ADGRG4: variants seen among roughly 807,000 people sequenced by gnomAD.
ADGRG4 encodes adhesion G protein-coupled receptor G4.
A neutral mutation model predicts 126.2 loss-of-function variants in ADGRG4; 122 were observed. The ratio of observed to expected loss-of-function variants is 0.97; its 90% CI spans 0.83 to 1.12. The LOEUF (loss-of-function observed/expected upper bound fraction) is 1.12, where lower values mean the gene tolerates loss of function less well. ADGRG4 is among the 50% of genes most tolerant of loss of function. The pLI is 0.00. For missense variants in ADGRG4, 2,481 were observed against 2,251.8 expected, an observed-to-expected ratio of 1.10 and a Z score of -2.06; for synonymous variants, 943 against 838.7, an observed-to-expected ratio of 1.12 and a Z score of -2.15.
intron 8 of ADGRG4, among the ~76,000 whole-genome samples, chrX:136,354,835 C>A (rs1423711477): frequency 9.0e-6 from 1 of 111,463 alleles, no homozygotes; most frequent in Non-Finnish European, 1.9e-5. Context: ...ATGTGTAAGG[C>A]GAGGTAAGGG....
rs779521019 is a variant in ADGRG4, at chrX:136,405,852, C to G, written c.8815C>G (p.Leu2939Val). ...TCGGCGGAAGATGATCCTGCATGAC[C>G]TCAAAGGCACAATGAGCCTGACATT... is the stretch of plus-strand genomic sequence containing the variant. ...KTRRKMILHDLKGTMSLTFLL... is the reference protein window; with the variant it reads ...KTRRKMILHDVKGTMSLTFLL... Residue 2939 changes from leucine (L) to valine (V), a missense_variant, in exon 23 of 26, where the codon CTC becomes GTC. Physicochemically the swap from Leu to Val is conservative, Grantham distance 32. Transcript: ENST00000394143. 2 of 1,208,460 alleles carry G rather than the reference C, an allele frequency of 1.7e-6. No homozygotes were observed. The highest frequency in any genetic ancestry group is 2.2e-6 in the Non-Finnish European group (2 of 894,005).
chrX:136,347,582 A>G lies in ADGRG4; in HGVS notation c.3876A>G (p.Pro1292=), dbSNP rs1230330239. 1.7e-6 allele frequency: 2 copies of G among 1,207,540 alleles called. No homozygotes were observed. The highest frequency in any genetic ancestry group is 3.5e-5 in the African/African-American group (2 of 57,662). Residue 1292 remains proline, a synonymous_variant, in exon 6 of 26, where the codon CCA becomes CCG. Coordinates refer to ENST00000394143, the MANE Select transcript of ADGRG4 (RefSeq NM_153834.4). ...NSFISYSRGT[P]SLEMTDTGFP... ...TTATTTCATACTCCCGGGGTACTCCATCTTTGGAAATGACAGATACAGGAT... is the reference window on the plus strand; with the variant it reads ...TTATTTCATACTCCCGGGGTACTCCGTCTTTGGAAATGACAGATACAGGAT...
At chrX:136,302,817 G>A (rs1440657891) in intron 1 of ADGRG4, among the ~76,000 whole-genome samples, 1 of 111,848 alleles carries the variant, frequency 8.9e-6, no homozygotes, top group Non-Finnish European at 1.9e-5. Context: ...TGCTTTACAT[G>A]TATTATCTCA....
intron 1 of ADGRG4, among the ~76,000 whole-genome samples, chrX:136,301,464 T>C (rs2074699425): frequency 8.9e-6 from 1 of 112,104 alleles, no homozygotes; most frequent in Non-Finnish European, 1.9e-5. Context: ...TTTGTTGGAG[T>C]TCTTTGTAGA....
intron 6 of ADGRG4, among the ~76,000 whole-genome samples, chrX:136,351,125 T>C (rs2075059934): frequency 8.9e-6 from 1 of 111,751 alleles, no homozygotes; most frequent in African/African-American, 3.2e-5. Context: ...TCTGAGATAA[T>C]GTTCAGTTTG....
intron 5 of ADGRG4, among the ~76,000 whole-genome samples, chrX:136,333,706 T>A (rs958966062): frequency 9.1e-6 from 1 of 109,894 alleles, no homozygotes; most frequent in East Asian, 2.9e-4. Context: ...TTAGTAGAGA[T>A]GAGGTCTCAC....
intron 21 of ADGRG4, 67 bp downstream of exon 21, chrX:136,400,183 TAGA>T: frequency 1.1e-6 from 1 of 882,915 alleles, no homozygotes; most frequent in Non-Finnish European, 1.6e-6. Flanking sequence ...CTAGCTCTGT[TAGA>T]TTCTGTTAAT....
chrX:136,330,045 TAACA>T (rs1240288025), intron 5 of ADGRG4, among the ~76,000 whole-genome samples: 1 of 110,838 alleles, frequency 9.0e-6, no homozygotes, highest in Non-Finnish European at 1.9e-5. Context: ...AGCTATAGTA[TAACA>T]AACAGAACAT....
chrX:136,405,520 G>A (rs1264534170), intron 22 of ADGRG4, among the ~76,000 whole-genome samples, 172 bp from the exon 23 acceptor site: 5 of 111,709 alleles, frequency 4.5e-5, no homozygotes, highest in Non-Finnish European at 9.4e-5. Context: ...TCAGGAGATT[G>A]AGGTTTTTGT....
At position 136,331,094 on chromosome X, in the gene ADGRG4, C is replaced by T. The variant is rs769475697; in HGVS notation, c.685+7702C>T. 1.9e-3 allele frequency among the ~76,000 whole-genome samples: 206 copies of T among 110,954 alleles called. 1 individual carries two copies. The highest frequency in any genetic ancestry group is 6.3e-3 in the African/African-American group (193 of 30,512). On this transcript the variant is annotated intron_variant, in intron 5 of 25. Transcript: ENST00000394143. ...TAGCCCACAAACAAATGAGAACATG[C>T]GATGTTTGTTTTTCTGTGCTTAGCT...
rs137936830 is a variant in ADGRG4, at chrX:136,375,093, C to A, written c.7776+2029C>A. Among the ~76,000 whole-genome samples, 868 of 110,699 alleles carry A rather than the reference C, an allele frequency of 7.8e-3. 5 individuals carry two copies. Among genetic ancestry groups the A allele is most frequent in the Non-Finnish European group, 0.011 (606 of 52,840 alleles). On this transcript the variant is annotated intron_variant, in intron 15 of 25. Coordinates refer to ENST00000394143, the MANE Select transcript of ADGRG4 (RefSeq NM_153834.4). ...TTACATCATTCTTATGCCTTTGTGT[C>A]CCCATAGTCTAGCTCCTACTTATAA...
Position 136,346,018 on chromosome X carries a change from C to A in ADGRG4, c.2312C>A (p.Ala771Glu). The A allele has an allele frequency of 8.3e-7, 1 of 1,205,258 alleles. No homozygotes were observed. The highest frequency in any genetic ancestry group is 1.1e-6 in the Non-Finnish European group (1 of 890,578). ...ACAATACCTATGTCTACAAAACCTG[C>A]AAATGAACTTCCTTTGACACCAAGG... Reference protein sequence around the residue: ...LKTIPMSTKPANELPLTPRET... With the variant: ...LKTIPMSTKPENELPLTPRET... Residue 771 changes from alanine (A) to glutamate (E), a missense_variant, in exon 6 of 26, where the codon GCA (alanine) becomes GAA (glutamate). Ala to Glu is a moderately radical substitution (Grantham distance 107). Coordinates refer to ENST00000394143, the MANE Select transcript of ADGRG4 (RefSeq NM_153834.4).
chrX:136,327,647 T>C (rs1228614597), intron 5 of ADGRG4, among the ~76,000 whole-genome samples: 1 of 110,269 alleles, frequency 9.1e-6, no homozygotes, highest in African/African-American at 3.3e-5. Flanking sequence ...CCATCATTGA[T>C]GGCCATTTAA....
chrX:136,403,710 C>T (rs1034908394), intron 22 of ADGRG4, among the ~76,000 whole-genome samples: 2 of 112,312 alleles, frequency 1.8e-5, no homozygotes, highest in Non-Finnish European at 3.8e-5. Flanking sequence ...GTGGCCCCTA[C>T]AAGGAAATTC....
At chrX:136,302,385 C>T (rs1371337108) in intron 1 of ADGRG4, among the ~76,000 whole-genome samples, 2 of 111,301 alleles carry the variant, frequency 1.8e-5, no homozygotes, top group Non-Finnish European at 3.8e-5. Flanking sequence ...CCTGAAGTCT[C>T]CTTAAGCTGA....
chrX:136,302,032 T>A (rs933688552), intron 1 of ADGRG4, among the ~76,000 whole-genome samples: 29 of 112,194 alleles, frequency 2.6e-4, no homozygotes, highest in Admixed American at 6.6e-4. Flanking sequence ...TCCAGCTTTG[T>A]TCTTTTGGCT....
chrX:136,393,429 G>A, intron 17 of ADGRG4, 106 bp from the exon 18 acceptor site: 2 of 645,025 alleles, frequency 3.1e-6, no homozygotes, highest in Non-Finnish European at 4.9e-6. Context: ...GTGTGTGCAT[G>A]TTTACCATGG....
At chrX:136,370,964 C>A (rs934175670) in intron 13 of ADGRG4, among the ~76,000 whole-genome samples, 1 of 110,706 alleles carries the variant, frequency 9.0e-6, no homozygotes, top group Non-Finnish European at 1.9e-5. Flanking sequence ...AAAACATAGA[C>A]TGAGTGTTTG....
chrX:136,312,828 A>T (rs916885588), intron 4 of ADGRG4, among the ~76,000 whole-genome samples: 2 of 110,954 alleles, frequency 1.8e-5, no homozygotes, highest in African/African-American at 6.6e-5. Flanking sequence ...CCAGCACTCC[A>T]GGCCTTGACA....
Sources: allele counts gnomAD v4.1 joint callset (sites outside exome capture counted in the v4.1 genomes callset), GRCh38; gene constraint gnomAD v4.1.1; transcripts MANE v1.5; gene names NCBI Gene and HGNC (gene_info 2026-07-23, HGNC 2026-07-21).